The following ZMIZ1 variants were observed in gnomAD, a reference collection of about 807,000 sequenced individuals.
The protein encoded by ZMIZ1 is zinc finger MIZ domain-containing protein 1.
In ZMIZ1, 17 loss-of-function variants were observed where a neutral mutation model predicts 113.9. That is an observed-to-expected ratio of 0.15 (90% confidence interval 0.10 to 0.22). ZMIZ1 has a LOEUF of 0.22. ZMIZ1 is among the 10% of genes least tolerant of loss of function. The pLI, the probability that ZMIZ1 is intolerant of heterozygous loss-of-function variation, is 1.00. For missense variants in ZMIZ1, 1,059 were observed against 1,477.8 expected (o/e 0.72, Z 4.65); for synonymous variants, 607 against 603.1 (o/e 1.01, Z -0.09).
intron 3 of ZMIZ1, among the ~76,000 whole-genome samples, chr10:79,151,634 C>T (rs1218219955): frequency 6.6e-6 from 1 of 152,208 alleles, no homozygotes; most frequent in East Asian, 1.9e-4. Flanking sequence ...TGGAGAGGCG[C>T]TGCTCAGAGC....
At chr10:79,237,996 T>G (rs1849662070) in intron 7 of ZMIZ1, among the ~76,000 whole-genome samples, 1 of 152,202 alleles carries the variant, frequency 6.6e-6, no homozygotes, top group Non-Finnish European at 1.5e-5. Context: ...CAGGAGAGCA[T>G]GGCCAGTTCC....
intron 12 of ZMIZ1, chr10:79,293,872 C>G: frequency 1.5e-6 from 1 of 668,266 alleles, no homozygotes; most frequent in South Asian, 1.8e-5. Context: ...CCTAGGGCTG[C>G]TTGAGGGACT....
intron 8 of ZMIZ1, among the ~76,000 whole-genome samples, chr10:79,282,482 C>T (rs2131995254): frequency 6.6e-6 from 1 of 152,324 alleles, no homozygotes; most frequent in Admixed American, 6.5e-5. Flanking sequence ...CGAGGGACGG[C>T]AGACGCCTGG....
intron 4 of ZMIZ1, among the ~76,000 whole-genome samples, chr10:79,178,227 A>G (rs1006045962): frequency 1.3e-5 from 2 of 152,138 alleles, no homozygotes; most frequent in African/African-American, 4.8e-5. Flanking sequence ...CTGTCTCCCC[A>G]TCTGTGAACT....
chr10:79,196,052 GA>G (rs1458837410), intron 4 of ZMIZ1, among the ~76,000 whole-genome samples: 3 of 152,136 alleles, frequency 2.0e-5, no homozygotes, highest in Non-Finnish European at 4.4e-5. Flanking sequence ...TTATGCCTGA[GA>G]CCCTTTGCTC....
chr10:79,186,355 A>G (rs947526945), intron 4 of ZMIZ1, among the ~76,000 whole-genome samples: 6 of 152,204 alleles, frequency 3.9e-5, no homozygotes, highest in African/African-American at 1.4e-4. Context: ...GGAGAAAAAC[A>G]TGACCCACCG....
chr10:79,269,456 A>ACACACACACAC (rs1851803859), intron 7 of ZMIZ1, among the ~76,000 whole-genome samples: 5 of 138,472 alleles, frequency 3.6e-5, no homozygotes, highest in African/African-American at 1.3e-4. Flanking sequence ...ACCTCCCCCC[A>ACACACACACAC]ACACACACAC....
rs917921021 is a variant in ZMIZ1 at position 79,183,357 on chromosome 10, C to T, written c.-49-18227C>T. 7.8e-5 allele frequency among the ~76,000 whole-genome samples: 6 copies of T among 77,342 alleles called. No individual in the cohort carries two copies. In the South Asian group the frequency reaches 2.4e-3, roughly 31 times the overall value. 50.7% of individuals were successfully genotyped at this position (77,342 alleles called of 152,430 possible). On this transcript the variant is annotated intron_variant, in intron 4 of 24. Transcript: ENST00000334512. ...AGCACAGGCCTGAGGCTCGTGCACGCGCACACACACACACACACACACACA... is the reference window on the plus strand; with the variant it reads ...AGCACAGGCCTGAGGCTCGTGCACGTGCACACACACACACACACACACACA...
At chr10:79,176,249 G>A (rs1846865399) in intron 4 of ZMIZ1, among the ~76,000 whole-genome samples, 2 of 152,148 alleles carry the variant, frequency 1.3e-5, no homozygotes, top group South Asian at 2.1e-4. Flanking sequence ...CAAACCCACC[G>A]TGTGAGTGGA....
At chr10:79,151,124 C>T (rs186030909) in intron 3 of ZMIZ1, among the ~76,000 whole-genome samples, 83 of 152,194 alleles carry the variant, frequency 5.5e-4, no homozygotes, top group Non-Finnish European at 8.2e-4. Context: ...AGCTCCTGGG[C>T]GAGCTGAAAG....
intron 8 of ZMIZ1, among the ~76,000 whole-genome samples, chr10:79,279,909 G>A (rs952260337): frequency 3.3e-5 from 5 of 152,220 alleles, no homozygotes; most frequent in African/African-American, 1.2e-4. Context: ...CGAGATGGCG[G>A]CAGTACAGTC....
chr10:79,076,153 A>G (rs1184348268), intron 1 of ZMIZ1, among the ~76,000 whole-genome samples: 1 of 152,194 alleles, frequency 6.6e-6, no homozygotes, highest in Admixed American at 6.5e-5. Context: ...AGCCCAGGAA[A>G]CTGAACCATG....
intron 7 of ZMIZ1, among the ~76,000 whole-genome samples, chr10:79,259,857 C>G (rs886282725): frequency 7.2e-5 from 11 of 152,212 alleles, no homozygotes; most frequent in African/African-American, 2.4e-4. Context: ...AGTGATCTGC[C>G]TGCCTTGGCC....
chr10:79,284,810 T>A (rs1335390970), intron 8 of ZMIZ1, among the ~76,000 whole-genome samples: 1 of 152,186 alleles, frequency 6.6e-6, no homozygotes, highest in Non-Finnish European at 1.5e-5. Flanking sequence ...CCTCCCTCTG[T>A]CGGCTGAATA....
At chr10:79,167,952 G>A (rs1165538204) in intron 4 of ZMIZ1, among the ~76,000 whole-genome samples, 1 of 152,186 alleles carries the variant, frequency 6.6e-6, no homozygotes, top group Admixed American at 6.5e-5. Flanking sequence ...TGGCTCCAAG[G>A]CTAGGAGGGA....
At chr10:79,076,576 C>T (rs1842482274) in intron 1 of ZMIZ1, among the ~76,000 whole-genome samples, 1 of 152,194 alleles carries the variant, frequency 6.6e-6, no homozygotes, top group African/African-American at 2.4e-5. Flanking sequence ...TGGCTCATGC[C>T]TGTAATCTCA....
chr10:79,095,769 A>C (rs1220937737), intron 1 of ZMIZ1, among the ~76,000 whole-genome samples: 3 of 152,196 alleles, frequency 2.0e-5, no homozygotes, highest in African/African-American at 7.2e-5. Flanking sequence ...TTTCTTCCTC[A>C]GAGGCCAGAC....
intron 3 of ZMIZ1, among the ~76,000 whole-genome samples, chr10:79,143,347 A>T (rs1278923410): frequency 6.6e-6 from 1 of 151,730 alleles, no homozygotes; most frequent in African/African-American, 2.4e-5. Flanking sequence ...CTGGAAACAG[A>T]CCCAGGAGCT....
rs376330346 is a variant in ZMIZ1 at position 79,259,617 on chromosome 10, C to CTT, written c.281-17549_281-17548dup. ...TCATGAAGATATTCTCTATCACCTT[C>CTT]TTTTTTTTTTTTTTTTGAGGTGGTG... is the stretch of plus-strand genomic sequence containing the variant. On this transcript the variant is annotated intron_variant, in intron 7 of 24. Transcript: ENST00000334512. 1.9e-3 allele frequency among the ~76,000 whole-genome samples: 263 copies of CTT among 141,172 alleles called. 1 individual carries two copies. Among genetic ancestry groups the CTT allele is most frequent in the African/African-American group, 5.2e-3 (202 of 38,648 alleles). The allele number at this position is 141,172 out of a possible 152,430, so 92.6% of individuals were successfully genotyped here.
Sources: gnomAD v4.1 joint callset for allele counts (sites outside exome capture counted in the v4.1 genomes callset) on GRCh38, gnomAD v4.1.1 for gene constraint, MANE v1.5 for transcripts, NCBI Gene and HGNC (gene_info 2026-07-23, HGNC 2026-07-21) for gene names.